The following COX16 variants were observed in gnomAD, a reference collection of about 807,000 sequenced individuals.
COX16 encodes cytochrome c oxidase assembly factor COX16.
In COX16, 12 loss-of-function variants were observed where a neutral mutation model predicts 15.4. The observed-to-expected ratio is 0.78, with a 90% CI of 0.50 to 1.26. The LOEUF is 1.26. Ranked by LOEUF, COX16 falls within the 50% of genes most tolerant of loss-of-function variation. The pLI is 0.00. For missense variants in COX16, 124 were observed against 127.6 expected (o/e 0.97, Z 0.14); for synonymous variants, 46 against 41.1 (o/e 1.12, Z -0.46).
At chr14:70,341,633 CAAGTA>C (rs1040581251) in intron 2 of COX16, among the ~76,000 whole-genome samples, 23 of 152,070 alleles carry the variant, frequency 1.5e-4, no homozygotes, top group African/African-American at 1.9e-4. Context: ...TCAGTTTTTT[CAAGTA>C]AAGACCCACT....
At chr14:70,339,642 T>C (rs1697194419) in intron 2 of COX16, among the ~76,000 whole-genome samples, 2 of 152,118 alleles carry the variant, frequency 1.3e-5, no homozygotes, top group African/African-American at 4.8e-5. Context: ...GCAACCACTA[T>C]CAGCCTCAAA....
intron 2 of COX16, among the ~76,000 whole-genome samples, chr14:70,337,267 T>C (rs192870330): frequency 2.1e-4 from 32 of 152,246 alleles, no homozygotes; most frequent in African/African-American, 7.5e-4. Context: ...CCATGGACAT[T>C]ATTTATAAAC....
At chr14:70,347,768 C>T (rs1886826479) in intron 1 of COX16, among the ~76,000 whole-genome samples, 1 of 152,118 alleles carries the variant, frequency 6.6e-6, no homozygotes, top group Non-Finnish European at 1.5e-5. Flanking sequence ...AACCCGAGGG[C>T]TCACAACCGA....
At chr14:70,338,318 GCC>G (rs1224836581) in intron 2 of COX16, among the ~76,000 whole-genome samples, 1 of 152,142 alleles carries the variant, frequency 6.6e-6, no homozygotes, top group Non-Finnish European at 1.5e-5. Context: ...TCACCATATT[GCC>G]CAGGCTGGTC....
At chr14:70,349,918 C>A (rs1886895877) in intron 1 of COX16, among the ~76,000 whole-genome samples, 1 of 152,176 alleles carries the variant, frequency 6.6e-6, no homozygotes, top group African/African-American at 2.4e-5. Context: ...TGTTTCCAGA[C>A]AATCCAGATG....
intron 2 of COX16, among the ~76,000 whole-genome samples, chr14:70,340,697 T>G (rs1886598509): frequency 6.6e-6 from 1 of 152,146 alleles, no homozygotes; most frequent in Non-Finnish European, 1.5e-5. Context: ...CCAATACCCA[T>G]CCACCTGTAC....
intron 2 of COX16, among the ~76,000 whole-genome samples, chr14:70,333,965 TAACAACCAAAA>T (rs1886368757): frequency 6.6e-6 from 1 of 152,074 alleles, no homozygotes. Flanking sequence ...AAAAATACTG[TAACAACCAAAA>T]ATACTGTATC....
At chr14:70,341,015 ATACTT>A (rs1433802921) in intron 2 of COX16, among the ~76,000 whole-genome samples, 1 of 152,168 alleles carries the variant, frequency 6.6e-6, no homozygotes, top group Non-Finnish European at 1.5e-5. Flanking sequence ...TAGTTTCTGA[ATACTT>A]TACTTGCAGC....
intron 2 of COX16, among the ~76,000 whole-genome samples, chr14:70,341,999 AT>A (rs1279883345): frequency 6.6e-6 from 1 of 152,184 alleles, no homozygotes; most frequent in Non-Finnish European, 1.5e-5. Flanking sequence ...ACTTTATACA[AT>A]TACTGATATT....
At position 70,325,567 on chromosome 14, in the gene COX16, G is replaced by C. The variant is rs555701658; in HGVS notation, c.*766C>G. ...GCACTCCAGCCTGGGCGAACAGAGC[G>C]AGACTATGTCTCAAAACAAAACAAA... On this transcript the variant is annotated 3_prime_UTR_variant, in exon 4 of 4. Transcript: ENST00000389912. The C allele has an allele frequency of 1.3e-5, 2 of 152,332 alleles. No homozygotes were observed. The highest frequency in any genetic ancestry group is 4.1e-4 in the South Asian group (2 of 4,824). The allele number at this position is 152,332 out of a possible 1,614,324, so 9.4% of individuals were successfully genotyped here. A position where few individuals can be genotyped will look rare whatever the true frequency, so the allele number is the denominator to read the frequency against.
At chr14:70,330,451 A>G (rs1363337439) in intron 2 of COX16, among the ~76,000 whole-genome samples, 20 of 151,140 alleles carry the variant, frequency 1.3e-4, no homozygotes, top group Admixed American at 1.2e-3. Flanking sequence ...GGAAGAAATA[A>G]TGCCAGTGTA....
At chr14:70,340,954 CATTTTTTTA>C (rs1886607665) in intron 2 of COX16, among the ~76,000 whole-genome samples, 1 of 152,118 alleles carries the variant, frequency 6.6e-6, no homozygotes, top group Non-Finnish European at 1.5e-5. Context: ...TGTCTGGGTA[CATTTTTTTA>C]ATTAGCTGTC....
chr14:70,352,182 T>TTTTA (rs996844509), intron 1 of COX16, among the ~76,000 whole-genome samples: 4 of 152,172 alleles, frequency 2.6e-5, no homozygotes, highest in Non-Finnish European at 4.4e-5. Flanking sequence ...GTCTGTACTT[T>TTTTA]TTTATTTATT....
intron 1 of COX16, among the ~76,000 whole-genome samples, chr14:70,348,835 T>C (rs1251217174): frequency 1.3e-5 from 2 of 152,220 alleles, no homozygotes; most frequent in East Asian, 3.9e-4. Flanking sequence ...CGCAGAAAGC[T>C]GCCTTCATTC....
chr14:70,326,222 G>T lies in COX16; in HGVS notation c.*111C>A. On this transcript the variant is annotated 3_prime_UTR_variant, in exon 4 of 4. Transcript: ENST00000389912. ...TTGTCATCAAATTACCCATATCCAAGTTTCCATGGGCCTGGAATTTCCTTT... is the reference window on the plus strand; with the variant it reads ...TTGTCATCAAATTACCCATATCCAATTTTCCATGGGCCTGGAATTTCCTTT... 1 of 885,272 alleles carries T rather than the reference G, an allele frequency of 1.1e-6. No individual in the cohort carries two copies. Among genetic ancestry groups the T allele is most frequent in the Non-Finnish European group, 1.5e-6 (1 of 659,676 alleles). The allele number at this position is 885,272 out of a possible 1,614,324, so 54.8% of individuals were successfully genotyped here.
intron 2 of COX16, among the ~76,000 whole-genome samples, chr14:70,331,854 C>T (rs375495052): frequency 7.2e-6 from 1 of 139,404 alleles, no homozygotes; most frequent in Non-Finnish European, 1.6e-5. Context: ...AGGTAACCTG[C>T]TCATATCCCC....
chr14:70,335,199 C>T (rs1886413462), intron 2 of COX16, among the ~76,000 whole-genome samples: 2 of 152,172 alleles, frequency 1.3e-5, no homozygotes, highest in South Asian at 4.2e-4. Context: ...CCCAGATATA[C>T]AAAGCAAATA....
intron 1 of COX16, among the ~76,000 whole-genome samples, chr14:70,351,851 C>A (rs1362233406): frequency 6.6e-6 from 1 of 151,970 alleles, no homozygotes; most frequent in African/African-American, 2.4e-5. Flanking sequence ...GTGTTTTATA[C>A]CTTTTAATAT....
intron 3 of COX16, 45 bp from the exon 4 acceptor site, chr14:70,326,494 C>T (rs765263878): frequency 6.9e-7 from 1 of 1,456,488 alleles, no homozygotes. Context: ...AGTATAAGAG[C>T]CTGTGGCTTT....
Sources: allele counts gnomAD v4.1 joint callset (sites outside exome capture counted in the v4.1 genomes callset), GRCh38; gene constraint gnomAD v4.1.1; transcripts MANE v1.5; gene names NCBI Gene and HGNC (gene_info 2026-07-23, HGNC 2026-07-21).